Variants in LANCL1 observed in about 807,000 individuals in gnomAD.
LANCL1 encodes the protein LanC like glutathione S-transferase 1, also known as glutathione S-transferase LANCL1.
In LANCL1, 50 loss-of-function variants were observed where a neutral mutation model predicts 50.6. The ratio of observed to expected loss-of-function variants is 0.99; its 90% CI spans 0.79 to 1.25. The LOEUF is 1.25. Ranked by LOEUF, LANCL1 falls within the 50% of genes most tolerant of loss-of-function variation. The probability of loss-of-function intolerance (pLI) is 0.00; values close to 1 mark genes in which losing one functional copy is unlikely to be tolerated. For synonymous variants in LANCL1, 188 were observed against 178.6 expected (o/e 1.05, Z -0.42); for missense variants, 532 against 480.7 (o/e 1.11, Z -1.00).
At chr2:210,437,420 G>C (rs1692970828) in intron 7 of LANCL1, among the ~76,000 whole-genome samples, 1 of 152,046 alleles carries the variant, frequency 6.6e-6, no homozygotes. Flanking sequence ...GTTCTTTCGA[G>C]TACACACCTA....
At chr2:210,435,177 A>G (rs1443967125) in intron 9 of LANCL1, among the ~76,000 whole-genome samples, 1 of 152,192 alleles carries the variant, frequency 6.6e-6, no homozygotes, top group Non-Finnish European at 1.5e-5. Flanking sequence ...GCCTGGCTCC[A>G]TAAAAGGGAG....
chr2:210,471,719 C>T, intron 3 of LANCL1: 1 of 714,754 alleles, frequency 1.4e-6, no homozygotes, highest in South Asian at 1.4e-5. Flanking sequence ...AGCAGCCATC[C>T]AAATGTCAGG....
At chr2:210,450,958 G>C (rs1693493708) in intron 4 of LANCL1, among the ~76,000 whole-genome samples, 1 of 152,174 alleles carries the variant, frequency 6.6e-6, no homozygotes, top group African/African-American at 2.4e-5. Flanking sequence ...AATACCATTT[G>C]ACCAGCAATT....
chr2:210,463,219 T>C (rs540669772), intron 3 of LANCL1, among the ~76,000 whole-genome samples: 1 of 148,534 alleles, frequency 6.7e-6, no homozygotes, highest in African/African-American at 2.4e-5. Context: ...TATTTATTTA[T>C]TTTTTTTTTT....
intron 1 of LANCL1, 29 bp from the exon 2 acceptor site, chr2:210,476,441 G>C: frequency 6.3e-7 from 1 of 1,595,712 alleles, no homozygotes; most frequent in South Asian, 1.1e-5. Flanking sequence ...ACAGAAACTA[G>C]GTTGAGATAG....
intron 3 of LANCL1, chr2:210,468,856 A>G (rs887778547): frequency 7.2e-5 from 11 of 152,214 alleles, no homozygotes; most frequent in Non-Finnish European, 1.3e-4. Flanking sequence ...TTCTTTTACA[A>G]GAGAAAAATA....
chr2:210,472,754 T>A (rs1414198458), intron 2 of LANCL1, among the ~76,000 whole-genome samples: 2 of 152,182 alleles, frequency 1.3e-5, no homozygotes, highest in African/African-American at 4.8e-5. Flanking sequence ...AATACCTCCA[T>A]AAAGTCAGGA....
rs751313008 is a variant in LANCL1 at position 210,471,991 on chromosome 2, G to A, written c.167C>T (p.Pro56Leu). The change falls in exon 3 of 10, where the codon CCT (proline) becomes CTT (leucine). Residue 56 changes from proline (P) to leucine (L), a missense_variant. Physicochemically the swap from Pro to Leu is moderately conservative, Grantham distance 98. Coordinates refer to ENST00000450366, the MANE Select transcript of LANCL1 (RefSeq NM_006055.3). The part of the protein sequence containing the change: ...QMERGLKSAD[P>L]RDGTGYTGWA... ...GCCAGTGTAACCGGTGCCATCCCGAGGGTCTGCTGATTTCAGGCCTCTCTC... is the reference window on the plus strand; with the variant it reads ...GCCAGTGTAACCGGTGCCATCCCGAAGGTCTGCTGATTTCAGGCCTCTCTC... 7 of 1,613,934 alleles carry A rather than the reference G, an allele frequency of 4.3e-6. No individual in the cohort carries two copies. Among genetic ancestry groups the A allele is most frequent in the African/African-American group, 1.3e-5 (1 of 74,924 alleles).
chr2:210,476,603 C>T lies in LANCL1; in HGVS notation c.-17+17G>A. ...CATGGCGCCTTCGCGAAAAAGCTGC[C>T]AGGGCCCTTAACCCACCCGGACAAA... On this transcript the variant is annotated intron_variant, in intron 1 of 9. Transcript: ENST00000450366. 4 of 1,364,336 alleles carry T rather than the reference C, an allele frequency of 2.9e-6. No homozygotes were observed. The highest frequency in any genetic ancestry group is 3.8e-6 in the Non-Finnish European group (4 of 1,058,158). The allele number at this position is 1,364,336 out of a possible 1,614,324, so 84.5% of individuals were successfully genotyped here.
chr2:210,435,547 G>A, intron 8 of LANCL1, 88 bp from the exon 9 acceptor site: 1 of 982,128 alleles, frequency 1.0e-6, no homozygotes. Context: ...AAATTACTCT[G>A]AAAAATCAAA....
intron 3 of LANCL1, chr2:210,468,497 A>G (rs1031317879): frequency 2.0e-5 from 3 of 152,220 alleles, no homozygotes; most frequent in African/African-American, 4.8e-5. Context: ...CTCTTCCTCT[A>G]TTAACAGAAC....
chr2:210,444,939 AT>A (rs1297696784), intron 4 of LANCL1, among the ~76,000 whole-genome samples: 1 of 151,898 alleles, frequency 6.6e-6, no homozygotes, highest in South Asian at 2.1e-4. Flanking sequence ...TTTATTAAGA[AT>A]TTTTTTTCTC....
intron 3 of LANCL1, chr2:210,471,495 G>T (rs2105927870): frequency 2.3e-6 from 1 of 439,358 alleles, no homozygotes; most frequent in South Asian, 1.6e-5. Flanking sequence ...GTTCATGGAA[G>T]TAATACTTTA....
chr2:210,474,739 A>AAAATAAAAATAAATAAATAAAT (rs1553715860), intron 2 of LANCL1, among the ~76,000 whole-genome samples: 1 of 147,990 alleles, frequency 6.8e-6, no homozygotes, highest in Non-Finnish European at 1.5e-5. Flanking sequence ...AATAAAAATA[A>AAAATAAAAATAAATAAATAAAT]AAATAAATAA....
chr2:210,458,187 G>A (rs1409250838), intron 3 of LANCL1, among the ~76,000 whole-genome samples: 2 of 152,178 alleles, frequency 1.3e-5, no homozygotes, highest in Non-Finnish European at 2.9e-5. Flanking sequence ...GGACTGTGAA[G>A]CTGCCACACC....
intron 3 of LANCL1, chr2:210,468,293 A>G (rs1398020315): frequency 2.0e-5 from 3 of 151,386 alleles, no homozygotes; most frequent in Non-Finnish European, 4.4e-5. Flanking sequence ...AAAATATTTT[A>G]TAGACACTGG....
intron 3 of LANCL1, among the ~76,000 whole-genome samples, chr2:210,458,479 G>C (rs1374086343): frequency 6.6e-6 from 1 of 152,198 alleles, no homozygotes; most frequent in Non-Finnish European, 1.5e-5. Flanking sequence ...GTTTGCAAGG[G>C]AGTGTATGAA....
chr2:210,447,681 CA>C (rs565488035), intron 4 of LANCL1, among the ~76,000 whole-genome samples: 1 of 150,396 alleles, frequency 6.6e-6, no homozygotes, highest in African/African-American at 2.4e-5. Flanking sequence ...AAATGGAAAG[CA>C]AAAAAAAGGC....
intron 2 of LANCL1, among the ~76,000 whole-genome samples, chr2:210,472,872 T>C (rs1475635732): frequency 4.6e-5 from 7 of 152,196 alleles, no homozygotes; most frequent in Non-Finnish European, 1.0e-4. Context: ...TTTTTACTAA[T>C]TCTTTAGCAG....
Sources: gnomAD v4.1 joint callset for allele counts (sites outside exome capture counted in the v4.1 genomes callset) on GRCh38, gnomAD v4.1.1 for gene constraint, MANE v1.5 for transcripts, NCBI Gene and HGNC (gene_info 2026-07-23, HGNC 2026-07-21) for gene names.